The following KLRG2 variants were observed in gnomAD, a reference collection of about 807,000 sequenced individuals.
KLRG2 encodes the protein killer cell lectin-like receptor subfamily G member 2.
KLRG2 carries 39 observed loss-of-function variants against 35.4 expected under a neutral mutation model. The observed-to-expected ratio is 1.10, with a 90% CI of 0.85 to 1.44. KLRG2 has a LOEUF of 1.44. Ranked by LOEUF, KLRG2 falls within the 40% of genes most tolerant of loss-of-function variation. KLRG2 has a pLI of 0.00. For synonymous variants in KLRG2, 283 were observed against 265.8 expected (o/e 1.06, Z -0.63); for missense variants, 632 against 570.9 (o/e 1.11, Z -1.09).
the KLRG2 span, among the ~76,000 whole-genome samples, chr7:139,446,233 G>T: frequency 6.6e-6 from 1 of 151,926 alleles, no homozygotes; most frequent in Non-Finnish European, 1.5e-5. Flanking sequence ...CCACTGGGGA[G>T]GCCAGAAGTC....
chr7:139,465,431 G>A (rs1296085383), intron 3 of KLRG2, among the ~76,000 whole-genome samples: 2 of 152,176 alleles, frequency 1.3e-5, no homozygotes, highest in East Asian at 1.9e-4. Context: ...GGTGGCTCAC[G>A]CCTGTAATTC....
chr7:139,447,443 C>T, the KLRG2 span, among the ~76,000 whole-genome samples: 1 of 151,420 alleles, frequency 6.6e-6, no homozygotes, highest in Admixed American at 6.6e-5. Context: ...CTCTGTCACC[C>T]AGGCTGGATT....
the KLRG2 span, among the ~76,000 whole-genome samples, chr7:139,446,857 T>G: frequency 2.0e-5 from 3 of 152,206 alleles, no homozygotes; most frequent in Non-Finnish European, 4.4e-5. Flanking sequence ...TGTGATTACC[T>G]TGGGTACACC....
At chr7:139,455,397 C>T (rs894383010) in intron 3 of KLRG2, among the ~76,000 whole-genome samples, 3 of 148,918 alleles carry the variant, frequency 2.0e-5, no homozygotes, top group Admixed American at 1.4e-4. Flanking sequence ...TCTCGGCTCA[C>T]TGCAAGCTCT....
the KLRG2 span, among the ~76,000 whole-genome samples, chr7:139,438,028 G>A: frequency 1.3e-5 from 2 of 152,146 alleles, no homozygotes; most frequent in Admixed American, 6.5e-5. Flanking sequence ...AAAGGCCTGC[G>A]TGTTTCTTTT....
chr7:139,459,204 C>T (rs1054141503), intron 3 of KLRG2, among the ~76,000 whole-genome samples: 1 of 152,178 alleles, frequency 6.6e-6, no homozygotes, highest in African/African-American at 2.4e-5. Context: ...ACCCACCTCC[C>T]CCCATTGGCA....
chr7:139,436,089 G>T, the KLRG2 span, among the ~76,000 whole-genome samples: 3 of 151,950 alleles, frequency 2.0e-5, no homozygotes, highest in African/African-American at 7.3e-5. Flanking sequence ...TTTTAGTAGA[G>T]ACAGGGTTTC....
Position 139,483,253 on chromosome 7 carries a change from C to A in KLRG2, c.390G>T (p.Val130=). The A allele has an allele frequency of 6.4e-7, 1 of 1,555,702 alleles. No individual in the cohort carries two copies. The highest frequency in any genetic ancestry group is 8.6e-7 in the Non-Finnish European group (1 of 1,162,250). ...APMELQVDVR[V]KPVGAAGGSS... is the part of the protein sequence containing the mutation. Reference sequence around the variant, plus strand: ...TGCCACCGGCCGCGCCCACGGGCTTCACGCGCACATCTACCTGCAGCTCCA... The same window carrying A: ...TGCCACCGGCCGCGCCCACGGGCTTAACGCGCACATCTACCTGCAGCTCCA... Residue 130 remains valine (V), a synonymous_variant, in exon 1 of 5, where the codon GTG becomes GTT. Coordinates refer to ENST00000340940, the MANE Select transcript of KLRG2 (RefSeq NM_198508.4).
At chr7:139,427,303 A>G in the KLRG2 span, among the ~76,000 whole-genome samples, 1 of 152,096 alleles carries the variant, frequency 6.6e-6, no homozygotes, top group Non-Finnish European at 1.5e-5. Flanking sequence ...GTAGCAGCAG[A>G]AACATTAGGG....
intron 3 of KLRG2, among the ~76,000 whole-genome samples, chr7:139,460,660 C>T (rs1354907072): frequency 6.7e-6 from 1 of 149,174 alleles, no homozygotes; most frequent in African/African-American, 2.5e-5. Flanking sequence ...AAGACCCTGT[C>T]TAAAAAAAAA....
the KLRG2 span, among the ~76,000 whole-genome samples, chr7:139,430,019 A>G: frequency 6.6e-6 from 1 of 152,240 alleles, no homozygotes; most frequent in African/African-American, 2.4e-5. Context: ...TACGATCTCT[A>G]AACACTCTGA....
intron 3 of KLRG2, among the ~76,000 whole-genome samples, chr7:139,454,817 CAAAATA>C (rs1178361809): frequency 8.6e-6 from 1 of 116,004 alleles, no homozygotes; most frequent in East Asian, 2.4e-4. Context: ...AATTCTATCT[CAAAATA>C]ATAATAATAA....
At chr7:139,463,673 AC>A (rs1345432064) in intron 3 of KLRG2, among the ~76,000 whole-genome samples, 1 of 152,198 alleles carries the variant, frequency 6.6e-6, no homozygotes, top group African/African-American at 2.4e-5. Flanking sequence ...TGTCCAAGTC[AC>A]CCAGCAGCCA....
At chr7:139,466,270 G>C (rs1796652257) in intron 3 of KLRG2, among the ~76,000 whole-genome samples, 1 of 152,162 alleles carries the variant, frequency 6.6e-6, no homozygotes, top group South Asian at 2.1e-4. Flanking sequence ...TCACTGGGTG[G>C]GTAGAAGCCT....
At chr7:139,452,369 C>T (rs908910061), downstream of KLRG2, among the ~76,000 whole-genome samples, 1 of 152,176 alleles carries the variant, frequency 6.6e-6, no homozygotes, top group Non-Finnish European at 1.5e-5. Context: ...TTGATGGGTG[C>T]AGCAAACCAC....
chr7:139,428,868 T>G, the KLRG2 span, among the ~76,000 whole-genome samples: 1 of 146,498 alleles, frequency 6.8e-6, no homozygotes, highest in Non-Finnish European at 1.5e-5. Flanking sequence ...TGCAGCTTAC[T>G]TTTAAATAGT....
chr7:139,457,230 G>A (rs1190350129), intron 3 of KLRG2, among the ~76,000 whole-genome samples: 1 of 152,168 alleles, frequency 6.6e-6, no homozygotes, highest in African/African-American at 2.4e-5. Flanking sequence ...GGGTGGGGCT[G>A]GGCAGGGAAA....
intron 3 of KLRG2, among the ~76,000 whole-genome samples, chr7:139,465,888 C>A (rs931086074): frequency 6.6e-6 from 1 of 152,030 alleles, no homozygotes; most frequent in African/African-American, 2.4e-5. Flanking sequence ...CCACCTACTC[C>A]CCCACTCAAA....
intron 3 of KLRG2, among the ~76,000 whole-genome samples, chr7:139,466,557 TACTC>T (rs1469484612): frequency 6.6e-6 from 1 of 152,086 alleles, no homozygotes; most frequent in African/African-American, 2.4e-5. Flanking sequence ...TTTACTTTTA[TACTC>T]ACTCTTACTC....
Sources: allele counts gnomAD v4.1 joint callset (sites outside exome capture counted in the v4.1 genomes callset), GRCh38; gene constraint gnomAD v4.1.1; transcripts MANE v1.5; gene names NCBI Gene and HGNC (gene_info 2026-07-23, HGNC 2026-07-21).